RASA2: variants seen among roughly 807,000 people sequenced by gnomAD.
RASA2 encodes ras GTPase-activating protein 2.
A neutral mutation model predicts 118.2 loss-of-function variants in RASA2; 155 were observed. The observed-to-expected ratio is 1.31, with a 90% CI of 1.15 to 1.50. RASA2 has a LOEUF of 1.50. Among genes scored for constraint, RASA2 ranks in the 40% most tolerant of loss-of-function variants. RASA2 has a pLI of 0.00. For missense variants in RASA2, 1,016 were observed against 1,009.6 expected, an observed-to-expected ratio of 1.01 and a Z score of -0.09; for synonymous variants, 353 against 349.1, an observed-to-expected ratio of 1.01 and a Z score of -0.12.
At chr3:141,610,439 TTA>T (rs2083628720) in intron 23 of RASA2, among the ~76,000 whole-genome samples, 1 of 99,698 alleles carries the variant, frequency 1.0e-5, no homozygotes, top group African/African-American at 5.5e-5. Flanking sequence ...ATATTTATAT[TTA>T]TATATTATAT....
chr3:141,573,228 C>G lies in RASA2; in HGVS notation c.1359+7C>G, dbSNP rs756271007. On this transcript the variant is annotated splice_region_variant and intron_variant, in intron 13 of 23. Coordinates refer to ENST00000286364, the MANE Select transcript of RASA2 (RefSeq NM_006506.5). ...TAATGTAGAAAATAATAAGGTAAGT[C>G]CTTGTTATATTATTTATAATTGCAT... 1.3e-6 allele frequency: 2 copies of G among 1,536,206 alleles called. No homozygotes were observed. The highest frequency in any genetic ancestry group is 1.7e-6 in the Non-Finnish European group (2 of 1,151,940).
chr3:141,491,624 A>G (rs2081640902), intron 1 of RASA2, among the ~76,000 whole-genome samples: 1 of 152,220 alleles, frequency 6.6e-6, no homozygotes, highest in Non-Finnish European at 1.5e-5. Flanking sequence ...TGTTAGTATT[A>G]AGAGAAAACT....
chr3:141,597,547 C>A (rs2083392660), intron 19 of RASA2, among the ~76,000 whole-genome samples: 1 of 151,966 alleles, frequency 6.6e-6, no homozygotes, highest in Non-Finnish European at 1.5e-5. Context: ...CATGGTTATA[C>A]CACTCAGTAG....
In RASA2 at chr3:141,612,948, T is replaced by C. The variant is rs1466357966; in HGVS notation, c.*635T>C. Reference sequence around the variant, plus strand: ...ACTCAAGACAGAAGGAATCAGGGAATATGTGCTATTGTGTGCATCTTGTTT... The same window carrying C: ...ACTCAAGACAGAAGGAATCAGGGAACATGTGCTATTGTGTGCATCTTGTTT... On this transcript the variant is annotated 3_prime_UTR_variant, in exon 24 of 24. Transcript: ENST00000286364. 6.6e-6 allele frequency: 1 copy of C among 152,252 alleles called. No homozygotes were observed. Among genetic ancestry groups the C allele is most frequent in the Non-Finnish European group, 1.5e-5 (1 of 68,062 alleles). 9.4% of individuals were successfully genotyped at this position (152,252 alleles called of 1,614,324 possible).
At chr3:141,578,639 T>G (rs2083051865) in intron 15 of RASA2, 1 of 152,224 alleles carries the variant, frequency 6.6e-6, no homozygotes, top group Admixed American at 6.5e-5. Flanking sequence ...CAGTGTCCTT[T>G]TGTTCACAGG....
At chr3:141,580,087 T>A (rs370649771) in intron 15 of RASA2, among the ~76,000 whole-genome samples, 4,135 of 65,488 alleles carry the variant, frequency 0.063, 84 homozygotes, top group Non-Finnish European at 0.078. Context: ...AAAAAAAAAA[T>A]ATATATATAT....
At chr3:141,556,506 G>A (rs1035633805) in intron 7 of RASA2, among the ~76,000 whole-genome samples, 9 of 151,754 alleles carry the variant, frequency 5.9e-5, no homozygotes, top group African/African-American at 1.5e-4. Flanking sequence ...TTCTGTGGAC[G>A]CCTGCTTATC....
chr3:141,556,934 T>TGGAA (rs1440785456), intron 7 of RASA2, among the ~76,000 whole-genome samples: 1 of 152,108 alleles, frequency 6.6e-6, no homozygotes, highest in African/African-American at 2.4e-5. Flanking sequence ...ATGTGAGACT[T>TGGAA]TTCCATTTCC....
At chr3:141,580,520 C>G (rs1369437899) in intron 16 of RASA2, 69 bp downstream of exon 16, 3 of 1,166,968 alleles carry the variant, frequency 2.6e-6, no homozygotes, top group East Asian at 2.4e-5. Context: ...ATCCCTTATC[C>G]TTGACTTACC....
Position 141,608,474 on chromosome 3 carries a change from T to A in RASA2, c.2017-15T>A, listed in dbSNP as rs750849880. 25 of 1,611,170 alleles carry A rather than the reference T, an allele frequency of 1.6e-5. No individual in the cohort carries two copies. The highest frequency in any genetic ancestry group is 2.0e-5 in the Non-Finnish European group (24 of 1,177,452). ...GACTCTTGTCACTAACTTTTTATCTTAATTGCCTATGAAGATGTTCCAAGT... is the reference window on the plus strand; with the variant it reads ...GACTCTTGTCACTAACTTTTTATCTAAATTGCCTATGAAGATGTTCCAAGT... On this transcript the variant is annotated splice_polypyrimidine_tract_variant and intron_variant, in intron 20 of 23. Transcript: ENST00000286364.
intron 2 of RASA2, among the ~76,000 whole-genome samples, 171 bp downstream of exon 2, chr3:141,512,451 T>C (rs2081965971): frequency 6.6e-6 from 1 of 152,230 alleles, no homozygotes; most frequent in Admixed American, 6.5e-5. Flanking sequence ...AATTTTATCT[T>C]TGTTTTCTGG....
intron 1 of RASA2, among the ~76,000 whole-genome samples, chr3:141,502,515 GC>G (rs2081799392): frequency 1.3e-5 from 2 of 152,062 alleles, no homozygotes; most frequent in Admixed American, 1.3e-4. Flanking sequence ...ACTATTCACT[GC>G]CTCCTCGATG....
At chr3:141,568,869 A>G (rs961256690) in intron 9 of RASA2, among the ~76,000 whole-genome samples, 1 of 152,198 alleles carries the variant, frequency 6.6e-6, no homozygotes, top group South Asian at 2.1e-4. Context: ...AAATATGCAG[A>G]TAAATATTTA....
intron 7 of RASA2, among the ~76,000 whole-genome samples, chr3:141,556,122 A>C (rs763576682): frequency 2.3e-4 from 35 of 152,246 alleles, no homozygotes; most frequent in Non-Finnish European, 3.4e-4. Context: ...GGGAGCAGGA[A>C]GGGCCAGGGC....
chr3:141,542,525 A>G (rs1429120766), intron 5 of RASA2, among the ~76,000 whole-genome samples: 1 of 152,140 alleles, frequency 6.6e-6, no homozygotes, highest in Non-Finnish European at 1.5e-5. Flanking sequence ...AAAATTTTGA[A>G]ATAATTACAG....
At chr3:141,604,220 A>G (rs1224556930) in intron 19 of RASA2, among the ~76,000 whole-genome samples, 2 of 152,108 alleles carry the variant, frequency 1.3e-5, no homozygotes, top group East Asian at 3.9e-4. Flanking sequence ...TGTGATTACC[A>G]TTACTACTAC....
At chr3:141,536,310 T>C (rs574085909) in intron 4 of RASA2, among the ~76,000 whole-genome samples, 1 of 152,272 alleles carries the variant, frequency 6.6e-6, no homozygotes, top group African/African-American at 2.4e-5. Flanking sequence ...TTGTGAGACT[T>C]ATTCACTATT....
intron 14 of RASA2, among the ~76,000 whole-genome samples, chr3:141,575,992 G>T (rs932044859): frequency 6.6e-6 from 1 of 152,124 alleles, no homozygotes; most frequent in Non-Finnish European, 1.5e-5. Flanking sequence ...GGTCAGGCTG[G>T]TCTCAAACTC....
At chr3:141,575,312 G>C (rs886566952) in intron 14 of RASA2, among the ~76,000 whole-genome samples, 21 of 152,178 alleles carry the variant, frequency 1.4e-4, no homozygotes, top group African/African-American at 5.1e-4. Context: ...TGTCTAACAT[G>C]TAGATAAATT....
Sources: gnomAD v4.1 joint callset for allele counts (sites outside exome capture counted in the v4.1 genomes callset) on GRCh38, gnomAD v4.1.1 for gene constraint, MANE v1.5 for transcripts, NCBI Gene and HGNC (gene_info 2026-07-23, HGNC 2026-07-21) for gene names.